FHIT: variants seen among roughly 807,000 people sequenced by gnomAD.
FHIT encodes the protein bis(5'-adenosyl)-triphosphatase.
FHIT carries 19 observed loss-of-function variants against 17.9 expected under a neutral mutation model. The ratio of observed to expected loss-of-function variants is 1.06; its 90% CI spans 0.74 to 1.56. The LOEUF (loss-of-function observed/expected upper bound fraction) is 1.56, where lower values mean the gene tolerates loss of function less well. FHIT is among the 40% of genes most tolerant of loss of function. The probability of loss-of-function intolerance (pLI) is 0.00; values close to 1 mark genes in which losing one functional copy is unlikely to be tolerated. For missense variants in FHIT, 248 were observed against 189.2 expected (o/e 1.31, Z -1.82); for synonymous variants, 81 against 69.7 (o/e 1.16, Z -0.81).
chr3:60,766,770 A>C (rs1553721531), intron 4 of FHIT, among the ~76,000 whole-genome samples: 2 of 152,202 alleles, frequency 1.3e-5, no homozygotes, highest in Non-Finnish European at 2.9e-5. Context: ...CACCTTGATC[A>C]AGTCAATAAA....
chr3:60,109,870 G>A (rs935708137), intron 5 of FHIT, among the ~76,000 whole-genome samples: 1 of 152,070 alleles, frequency 6.6e-6, no homozygotes, highest in South Asian at 2.1e-4. Context: ...AACCAATGAT[G>A]TATTTCTCGT....
intron 8 of FHIT, among the ~76,000 whole-genome samples, chr3:59,782,345 G>A (rs943087496): frequency 6.6e-6 from 1 of 152,096 alleles, no homozygotes; most frequent in Admixed American, 6.6e-5. Context: ...TAAAGATAGA[G>A]TTATTTTTGT....
At position 60,161,395 on chromosome 3, in the gene FHIT, C is replaced by T. The variant is rs372489411; in HGVS notation, c.104-147243G>A. On this transcript the variant is annotated intron_variant, in intron 5 of 9. Coordinates refer to ENST00000492590, the MANE Select transcript of FHIT (RefSeq NM_002012.4). ...TTCCACAACTGTGATGAGGGTAGGG[C>T]CTGATTTGTGCCAGTGCTTAGGAAT... Among the ~76,000 whole-genome samples the T allele has an allele frequency of 5.9e-5, 9 of 152,232 alleles. No homozygotes were observed. The East Asian group carries it at 1.4e-3, about 23-fold the overall frequency.
At chr3:60,340,744 G>C (rs2106898187) in intron 5 of FHIT, among the ~76,000 whole-genome samples, 1 of 152,206 alleles carries the variant, frequency 6.6e-6, no homozygotes, top group East Asian at 1.9e-4. Flanking sequence ...GTCTCACTCT[G>C]TTGCCCAGGC....
intron 7 of FHIT, among the ~76,000 whole-genome samples, chr3:59,985,999 G>A (rs1708881820): frequency 6.6e-6 from 1 of 152,040 alleles, no homozygotes; most frequent in Non-Finnish European, 1.5e-5. Flanking sequence ...GATGGGGGAA[G>A]GAATGAGAGG....
chr3:60,474,005 A>G (rs1025365158), intron 5 of FHIT, among the ~76,000 whole-genome samples: 1 of 152,162 alleles, frequency 6.6e-6, no homozygotes, highest in African/African-American at 2.4e-5. Flanking sequence ...ATTATTTTGG[A>G]AACATTTAAA....
intron 7 of FHIT, among the ~76,000 whole-genome samples, chr3:60,003,266 A>C (rs2107505023): frequency 6.6e-6 from 1 of 152,280 alleles, no homozygotes; most frequent in East Asian, 1.9e-4. Context: ...CCTTCCTTCT[A>C]AGCCATATAT....
At chr3:61,086,133 A>C (rs2035299360) in intron 2 of FHIT, among the ~76,000 whole-genome samples, 1 of 152,136 alleles carries the variant, frequency 6.6e-6, no homozygotes. Flanking sequence ...TTCCAGTACA[A>C]TGCTGAACAG....
intron 5 of FHIT, among the ~76,000 whole-genome samples, chr3:60,489,133 C>G (rs935914323): frequency 6.6e-6 from 1 of 151,496 alleles, no homozygotes; most frequent in African/African-American, 2.4e-5. Context: ...TATTATCCCC[C>G]TTTAAGCAAA....
At chr3:60,952,920 T>C (rs1206563689) in intron 3 of FHIT, among the ~76,000 whole-genome samples, 1 of 152,226 alleles carries the variant, frequency 6.6e-6, no homozygotes, top group Non-Finnish European at 1.5e-5. Context: ...CTTCATTTCC[T>C]TATGAGGTAT....
At position 60,045,636 on chromosome 3, in the gene FHIT, C is replaced by G. The variant is rs569799057; in HGVS notation, c.104-31484G>C. Reference sequence around the variant, plus strand: ...GAAGGAAAAAGAATTCTCTCCCCTTCCCTCTCTCCCTACCTCCCTACCTTG... The same window carrying G: ...GAAGGAAAAAGAATTCTCTCCCCTTGCCTCTCTCCCTACCTCCCTACCTTG... On this transcript the variant is annotated intron_variant, in intron 5 of 9. Transcript: ENST00000492590. 4.6e-4 allele frequency among the ~76,000 whole-genome samples: 70 copies of G among 152,312 alleles called. 1 individual carries two copies. Among genetic ancestry groups the G allele is most frequent in the African/African-American group, 1.5e-3 (61 of 41,554 alleles).
intron 5 of FHIT, among the ~76,000 whole-genome samples, chr3:60,496,444 T>G (rs545120448): frequency 6.6e-6 from 1 of 152,318 alleles, no homozygotes; most frequent in East Asian, 1.9e-4. Flanking sequence ...AATCCAATAA[T>G]GTGGTACCAT....
intron 5 of FHIT, among the ~76,000 whole-genome samples, chr3:60,269,155 T>C (rs531484862): frequency 5.9e-5 from 9 of 152,312 alleles, no homozygotes; most frequent in Non-Finnish European, 8.8e-5. Context: ...TAATCTGTTA[T>C]GGAAGCCATC....
At chr3:60,411,397 T>G (rs779422360) in intron 5 of FHIT, among the ~76,000 whole-genome samples, 1 of 152,156 alleles carries the variant, frequency 6.6e-6, no homozygotes, top group Non-Finnish European at 1.5e-5. Context: ...ATAATCCACT[T>G]AATGTGTCTA....
At chr3:61,050,379 A>G (rs1259925377) in intron 2 of FHIT, among the ~76,000 whole-genome samples, 1 of 152,182 alleles carries the variant, frequency 6.6e-6, no homozygotes, top group Non-Finnish European at 1.5e-5. Context: ...CAAGCAACAT[A>G]ACAATTCAAT....
chr3:60,727,762 C>G (rs1368874524), intron 4 of FHIT, among the ~76,000 whole-genome samples: 2 of 152,128 alleles, frequency 1.3e-5, no homozygotes, highest in Non-Finnish European at 2.9e-5. Flanking sequence ...CCAGCACTTT[C>G]GGAGGCCGAG....
intron 3 of FHIT, among the ~76,000 whole-genome samples, chr3:60,915,511 A>G (rs1042683274): frequency 1.3e-5 from 2 of 152,210 alleles, no homozygotes; most frequent in Non-Finnish European, 2.9e-5. Flanking sequence ...TAGCCAGTGG[A>G]TTTGAATGAT....
intron 5 of FHIT, among the ~76,000 whole-genome samples, chr3:60,475,508 CT>C (rs1187813308): frequency 6.6e-6 from 1 of 152,190 alleles, no homozygotes; most frequent in African/African-American, 2.4e-5. Context: ...TGGAGGTGCA[CT>C]TGTGCGCTTA....
At chr3:59,972,013 C>T (rs1575792918) in intron 7 of FHIT, among the ~76,000 whole-genome samples, 1 of 152,108 alleles carries the variant, frequency 6.6e-6, no homozygotes, top group Non-Finnish European at 1.5e-5. Flanking sequence ...CTTGCTCCAT[C>T]ACATGTTCAG....
Sources: allele counts gnomAD v4.1 joint callset (sites outside exome capture counted in the v4.1 genomes callset), GRCh38; gene constraint gnomAD v4.1.1; transcripts MANE v1.5; gene names NCBI Gene and HGNC (gene_info 2026-07-23, HGNC 2026-07-21).